Variants in ZFPM1 observed in about 807,000 individuals in gnomAD.
ZFPM1 encodes zinc finger protein, FOG family member 1, also known as zinc finger protein ZFPM1.
ZFPM1 carries 28 observed loss-of-function variants against 46.3 expected under a neutral mutation model. The ratio of observed to expected loss-of-function variants is 0.60; its 90% CI spans 0.45 to 0.83. The LOEUF (loss-of-function observed/expected upper bound fraction) is 0.83, where lower values mean the gene tolerates loss of function less well. ZFPM1 is among the 40% of genes least tolerant of loss of function. The pLI is 0.00. For missense variants in ZFPM1, 1,878 were observed against 1,432.4 expected (o/e 1.31, Z -5.02); for synonymous variants, 957 against 675.9 (o/e 1.42, Z -6.45).
At chr16:88,499,841 C>T (rs1255925774) in intron 3 of ZFPM1, among the ~76,000 whole-genome samples, 2 of 152,236 alleles carry the variant, frequency 1.3e-5, no homozygotes, top group African/African-American at 2.4e-5. Context: ...CCAGCCTCTC[C>T]GGGTCCAGCC....
At chr16:88,502,267 C>A (rs1910405378) in intron 3 of ZFPM1, among the ~76,000 whole-genome samples, 1 of 152,092 alleles carries the variant, frequency 6.6e-6, no homozygotes, top group Admixed American at 6.5e-5. Flanking sequence ...AAGGGCCGAG[C>A]AGGGCCTGAG....
rs1402382948 is a variant in ZFPM1 at position 88,497,335 on chromosome 16, G to T, written c.268+8182G>T. Among the ~76,000 whole-genome samples, 1 of 152,118 alleles carries T rather than the reference G, an allele frequency of 6.6e-6. No homozygotes were observed. The highest frequency in any genetic ancestry group is 6.5e-5 in the Admixed American group (1 of 15,284). ...TAGAGTGGGGTCGGGTGTGCACAAG[G>T]AGCTGGCTCAGGGCCTGAGTTTCAA... On this transcript the variant is annotated intron_variant, in intron 3 of 9. Transcript: ENST00000319555. This position sits in a 1 kb window ranked among gnomAD's most constrained non-coding sequence, Gnocchi z 5.4.
chr16:88,463,523 C>T (rs760728971), intron 1 of ZFPM1, among the ~76,000 whole-genome samples: 41 of 152,384 alleles, frequency 2.7e-4, no homozygotes, highest in Non-Finnish European at 4.6e-4. Context: ...ACTAGGCCAC[C>T]GTGCCCAGGA....
chr16:88,466,818 C>A lies in ZFPM1; in HGVS notation c.40+13140C>A, dbSNP rs190404851. Reference sequence around the variant, plus strand: ...TCCAGTGACCAGCGTTTAAATCCTGCCCCCTGGCCGGCAGCCTCTCAGTTT... The same window carrying A: ...TCCAGTGACCAGCGTTTAAATCCTGACCCCTGGCCGGCAGCCTCTCAGTTT... On this transcript the variant is annotated intron_variant, in intron 1 of 9. Transcript: ENST00000319555. Among the ~76,000 whole-genome samples the A allele has an allele frequency of 1.0e-3, 158 of 152,240 alleles. 2 individuals are homozygous for A. Among genetic ancestry groups the A allele is most frequent in the Admixed American group, 8.1e-3 (124 of 15,290 alleles).
At chr16:88,490,363 T>C in intron 3 of ZFPM1, among the ~76,000 whole-genome samples, 1 of 152,258 alleles carries the variant, frequency 6.6e-6, no homozygotes, top group Non-Finnish European at 1.5e-5. Flanking sequence ...CAAGCATTTA[T>C]TGAGTGCCTG....
chr16:88,523,467 C>T (rs868316670), intron 4 of ZFPM1, among the ~76,000 whole-genome samples: 30 of 152,184 alleles, frequency 2.0e-4, no homozygotes, highest in African/African-American at 5.3e-4. Flanking sequence ...CCAGGATGGG[C>T]GGGTGGCCCC....
rs553681633 is a variant in ZFPM1 at position 88,486,741 on chromosome 16, G to A, written c.145+698G>A. ...GCACAGTGGATGCTGGGTGCACAGC[G>A]GATGGGTGCTGGGTGCACAGTGGAT... On this transcript the variant is annotated intron_variant, in intron 2 of 9. Coordinates refer to ENST00000319555, the MANE Select transcript of ZFPM1 (RefSeq NM_153813.3). 6.3e-4 allele frequency among the ~76,000 whole-genome samples: 93 copies of A among 148,068 alleles called. 1 individual carries two copies. Among genetic ancestry groups the A allele is most frequent in the African/African-American group, 1.5e-3 (60 of 39,286 alleles).
chr16:88,468,079 G>A (rs1409013221), intron 1 of ZFPM1, among the ~76,000 whole-genome samples: 7 of 38,328 alleles, frequency 1.8e-4, no homozygotes, highest in Non-Finnish European at 3.4e-4. Flanking sequence ...CGACCCACCC[G>A]CGAGCCCACC....
At chr16:88,508,550 G>A (rs1239318632) in intron 3 of ZFPM1, among the ~76,000 whole-genome samples, 2 of 152,210 alleles carry the variant, frequency 1.3e-5, no homozygotes, top group African/African-American at 2.4e-5. Context: ...CCATCCCGAC[G>A]CTCACTCTGA....
chr16:88,536,916 C>T lies in ZFPM1; in HGVS notation c.*1937C>T, dbSNP rs1913267586. 6.6e-6 allele frequency: 1 copy of T among 152,270 alleles called. No homozygotes were observed. The highest frequency in any genetic ancestry group is 2.1e-4 in the South Asian group (1 of 4,836). 9.4% of individuals were successfully genotyped at this position (152,270 alleles called of 1,614,324 possible). A position where few individuals can be genotyped will look rare whatever the true frequency, so the allele number is the denominator to read the frequency against. Reference sequence around the variant, plus strand: ...GTTCAGGAGGCTCTGCCCCCAAGTCCTCCCCAGGTGCGGGCGCAGGGTACA... The same window carrying T: ...GTTCAGGAGGCTCTGCCCCCAAGTCTTCCCCAGGTGCGGGCGCAGGGTACA... On this transcript the variant is annotated 3_prime_UTR_variant, in exon 10 of 10. Transcript: ENST00000319555.
rs574676447 is a variant in ZFPM1 at position 88,471,990 on chromosome 16, G to A, written c.41-13949G>A. 2.0e-5 allele frequency among the ~76,000 whole-genome samples: 3 copies of A among 152,342 alleles called. No individual in the cohort carries two copies. The highest frequency in any genetic ancestry group is 1.9e-4 in the East Asian group (1 of 5,180). The stretch of plus-strand genomic sequence containing the variant: ...TGGAGCCAGAAGCCTGGGCCTCCCC[G>A]GTAGGAGCCCGGCAGGGCCAAACCC... On this transcript the variant is annotated intron_variant, in intron 1 of 9. Transcript: ENST00000319555. This position sits in a 1 kb window ranked among gnomAD's most constrained non-coding sequence, Gnocchi z 4.1.
intron 1 of ZFPM1, among the ~76,000 whole-genome samples, chr16:88,475,276 G>A (rs1034334181): frequency 6.6e-6 from 1 of 152,220 alleles, no homozygotes; most frequent in African/African-American, 2.4e-5. Flanking sequence ...CAGGCCCTGG[G>A]GGGCCATCAG....
chr16:88,521,677 GTGCTGTTCCCTCCCTCA>G (rs571963740), intron 4 of ZFPM1, among the ~76,000 whole-genome samples: 69 of 60,006 alleles, frequency 1.1e-3, no homozygotes, highest in African/African-American at 4.6e-3. Context: ...CCCCCAACCC[GTGCTGTTCCCTCCCTCA>G]TGCTGTTCCC....
chr16:88,526,810 CCAGAG>C lies in ZFPM1; in HGVS notation c.403-2_405del. 6.5e-7 allele frequency: 1 copy of C among 1,545,792 alleles called. No individual in the cohort carries two copies. On this transcript the variant is annotated splice_acceptor_variant and splice_polypyrimidine_tract_variant and coding_sequence_variant and intron_variant, in exon 5 of 10. Transcript: ENST00000319555. LOFTEE classifies it high-confidence loss of function. Reference sequence around the variant, plus strand: ...CCCCACGTGTTCCTACCCTCCCCCCCCAGAGCCCAGCCCTGACCCTGCTGCTGGTG... The same window carrying C: ...CCCCACGTGTTCCTACCCTCCCCCCCCCCAGCCCTGACCCTGCTGCTGGTG...
At chr16:88,513,908 T>C (rs1911121522) in intron 3 of ZFPM1, among the ~76,000 whole-genome samples, 1 of 152,232 alleles carries the variant, frequency 6.6e-6, no homozygotes, top group African/African-American at 2.4e-5. Flanking sequence ...ATACTTGTCA[T>C]TGGTTTTAGG....
At chr16:88,496,060 G>C (rs1909913708) in intron 3 of ZFPM1, among the ~76,000 whole-genome samples, 1 of 152,198 alleles carries the variant, frequency 6.6e-6, no homozygotes, top group Non-Finnish European at 1.5e-5. Context: ...TCCTTGGGCA[G>C]GGCAGGACAC....
At chr16:88,485,841 G>T (rs576423602) in intron 1 of ZFPM1, 98 bp from the exon 2 acceptor site, 2 of 1,157,662 alleles carry the variant, frequency 1.7e-6, no homozygotes, top group South Asian at 1.4e-5. Flanking sequence ...TGCCATTTCC[G>T]CCTGGGCACC....
intron 1 of ZFPM1, among the ~76,000 whole-genome samples, chr16:88,470,444 C>G (rs1908363131): frequency 1.3e-5 from 2 of 152,352 alleles, no homozygotes; most frequent in African/African-American, 4.8e-5. Flanking sequence ...TGCTCTGTGG[C>G]AGAACCACTG....
At chr16:88,472,856 C>T (rs1419945911) in intron 1 of ZFPM1, among the ~76,000 whole-genome samples, 10 of 152,256 alleles carry the variant, frequency 6.6e-5, no homozygotes, top group African/African-American at 4.8e-5. Context: ...TCCTAGGCTC[C>T]GCCTCTGTGG....
Sources: gnomAD v4.1 joint callset for allele counts (sites outside exome capture counted in the v4.1 genomes callset) on GRCh38, gnomAD v4.1.1 for gene constraint, Gnocchi (gnomAD v3.1) non-coding constraint, MANE v1.5 for transcripts, NCBI Gene and HGNC (gene_info 2026-07-23, HGNC 2026-07-21) for gene names.